Variants in KLRG1 observed in about 807,000 individuals in gnomAD.
The protein encoded by KLRG1 is killer cell lectin-like receptor subfamily G member 1.
KLRG1 carries 16 observed loss-of-function variants against 21.8 expected under a neutral mutation model. That is an observed-to-expected ratio of 0.73 (90% CI 0.50 to 1.11). The LOEUF is 1.11. Ranked by LOEUF, KLRG1 falls within the 50% of genes most tolerant of loss-of-function variation. The pLI, the probability that KLRG1 is intolerant of heterozygous loss-of-function variation, is 0.00. For missense variants in KLRG1, 173 were observed against 218.3 expected, an observed-to-expected ratio of 0.79 and a Z score of 1.31; for synonymous variants, 69 against 75.9, an observed-to-expected ratio of 0.91 and a Z score of 0.47.
the KLRG1 span, among the ~76,000 whole-genome samples, chr12:9,156,616 A>G: frequency 1.3e-5 from 2 of 152,186 alleles, no homozygotes; most frequent in African/African-American, 2.4e-5. Context: ...TTTGTCTATT[A>G]TATTGGTTTT....
the KLRG1 span, chr12:9,068,829 G>A: frequency 6.3e-7 from 1 of 1,598,652 alleles, no homozygotes. Flanking sequence ...CAAGCTCAGT[G>A]TCTGATTTGA....
the KLRG1 span, chr12:9,074,455 G>T: frequency 1.8e-6 from 2 of 1,134,156 alleles, no homozygotes; most frequent in Middle Eastern, 2.4e-4. Flanking sequence ...CTCATTTCAA[G>T]TTACTGTCAT....
At chr12:9,127,538 C>A in the KLRG1 span, among the ~76,000 whole-genome samples, 2 of 152,190 alleles carry the variant, frequency 1.3e-5, no homozygotes, top group Non-Finnish European at 2.9e-5. Flanking sequence ...CTGCAGCTTT[C>A]GCCAGTCATT....
intron 3 of KLRG1, among the ~76,000 whole-genome samples, chr12:8,998,638 G>A (rs192855182): frequency 6.6e-5 from 10 of 150,440 alleles, no homozygotes; most frequent in Non-Finnish European, 1.5e-4. Flanking sequence ...GCAGTTAGCC[G>A]TGATCACACC....
At chr12:8,973,010 G>A (rs1019959369) in intron 1 of KLRG1, among the ~76,000 whole-genome samples, 25 of 151,734 alleles carry the variant, frequency 1.6e-4, no homozygotes, top group African/African-American at 5.6e-4. Flanking sequence ...GCATGGTGGC[G>A]CACACCTGTA....
At chr12:9,187,671 C>T in the KLRG1 span, among the ~76,000 whole-genome samples, 2 of 152,322 alleles carry the variant, frequency 1.3e-5, no homozygotes, top group South Asian at 2.1e-4. Flanking sequence ...TTCTGGGACA[C>T]AGCTAAGGCG....
the KLRG1 span, among the ~76,000 whole-genome samples, chr12:9,118,520 G>A: frequency 6.6e-6 from 1 of 152,220 alleles, no homozygotes; most frequent in Non-Finnish European, 1.5e-5. Flanking sequence ...CACAGCCTGA[G>A]CCCTTGAGTC....
chr12:9,005,972 A>G (rs181706336), intron 3 of KLRG1, among the ~76,000 whole-genome samples: 46 of 152,362 alleles, frequency 3.0e-4, no homozygotes, highest in African/African-American at 1.0e-3. Context: ...CTAATAGGCC[A>G]CAGACCAGCA....
chr12:9,201,601 C>A, the KLRG1 span, among the ~76,000 whole-genome samples: 1 of 152,088 alleles, frequency 6.6e-6, no homozygotes, highest in Admixed American at 6.5e-5. Flanking sequence ...ATTATTGAAT[C>A]TTTAAGTATT....
At chr12:9,161,033 C>T in the KLRG1 span, 4 of 1,577,366 alleles carry the variant, frequency 2.5e-6, no homozygotes, top group East Asian at 2.2e-5. Flanking sequence ...GGTGACTCAC[C>T]CAGAACTGAG....
At chr12:9,120,639 A>G in the KLRG1 span, among the ~76,000 whole-genome samples, 3 of 152,230 alleles carry the variant, frequency 2.0e-5, no homozygotes, top group East Asian at 5.8e-4. Context: ...CCTGACAGTG[A>G]CGATAATGAC....
chr12:9,062,028 A>G, the KLRG1 span, among the ~76,000 whole-genome samples: 2 of 151,380 alleles, frequency 1.3e-5, no homozygotes, highest in Non-Finnish European at 1.5e-5. Context: ...TGATATATTT[A>G]TATATCGTAT....
the KLRG1 span, among the ~76,000 whole-genome samples, chr12:9,051,713 G>A: frequency 6.6e-5 from 10 of 152,112 alleles, no homozygotes; most frequent in Non-Finnish European, 1.2e-4. Context: ...CTGTTAACAC[G>A]CTTGATAAAT....
chr12:9,194,408 T>C, the KLRG1 span, among the ~76,000 whole-genome samples: 1 of 151,878 alleles, frequency 6.6e-6, no homozygotes, highest in Non-Finnish European at 1.5e-5. Context: ...TGGATCCTCA[T>C]GTCCTACATA....
the KLRG1 span, chr12:9,166,013 C>T: frequency 6.4e-7 from 1 of 1,569,848 alleles, no homozygotes; most frequent in Non-Finnish European, 8.6e-7. Context: ...AACCACATTC[C>T]CTCCCCTCCA....
chr12:9,176,287 C>G, the KLRG1 span, among the ~76,000 whole-genome samples: 1 of 152,004 alleles, frequency 6.6e-6, no homozygotes, highest in Non-Finnish European at 1.5e-5. Context: ...ACACTCACTC[C>G]GGCCTATTAG....
the KLRG1 span, among the ~76,000 whole-genome samples, chr12:9,212,608 A>C: frequency 1.3e-5 from 2 of 152,212 alleles, no homozygotes; most frequent in Admixed American, 1.3e-4. Context: ...TGAGGAAAAG[A>C]GTAGTTTTGT....
intron 3 of KLRG1, among the ~76,000 whole-genome samples, chr12:9,001,216 C>T (rs768900232): frequency 6.6e-6 from 1 of 152,112 alleles, no homozygotes; most frequent in Non-Finnish European, 1.5e-5. Flanking sequence ...TATTTTTAGA[C>T]CTTATGAGTA....
the KLRG1 span, among the ~76,000 whole-genome samples, chr12:9,097,178 T>A: frequency 6.6e-6 from 1 of 152,178 alleles, no homozygotes; most frequent in Non-Finnish European, 1.5e-5. Flanking sequence ...TTCCCACATA[T>A]CCTCTTGAGA....
Sources: allele counts gnomAD v4.1 joint callset (sites outside exome capture counted in the v4.1 genomes callset), GRCh38; gene constraint gnomAD v4.1.1; transcripts MANE v1.5; gene names NCBI Gene and HGNC (gene_info 2026-07-23, HGNC 2026-07-21).